TGFBR2: variants seen among roughly 807,000 people sequenced by gnomAD.
The protein encoded by TGFBR2 is transforming growth factor beta receptor 2.
A neutral mutation model predicts 49.0 loss-of-function variants in TGFBR2; 18 were observed. The observed-to-expected ratio is 0.37, with a 90% confidence interval of 0.25 to 0.54. TGFBR2 has a LOEUF of 0.54. TGFBR2 is among the 20% of genes least tolerant of loss of function. TGFBR2 has a pLI of 0.85. For missense variants in TGFBR2, 525 were observed against 722.6 expected (o/e 0.73, Z 3.13); for synonymous variants, 282 against 275.9 (o/e 1.02, Z -0.22).
At chr3:30,636,961 G>C (rs1416661126) in intron 1 of TGFBR2, among the ~76,000 whole-genome samples, 1 of 151,870 alleles carries the variant, frequency 6.6e-6, no homozygotes, top group Non-Finnish European at 1.5e-5. Context: ...CTGCTCGGGA[G>C]GCTGAGGCAG....
chr3:30,646,440 G>T (rs761929893), intron 2 of TGFBR2, among the ~76,000 whole-genome samples: 3 of 152,160 alleles, frequency 2.0e-5, no homozygotes, highest in Admixed American at 1.3e-4. Flanking sequence ...AATTAGACAT[G>T]GTTAGTACAG....
chr3:30,636,163 G>A (rs1575139876), intron 1 of TGFBR2, among the ~76,000 whole-genome samples: 1 of 131,682 alleles, frequency 7.6e-6, no homozygotes, highest in Non-Finnish European at 1.6e-5. Context: ...GTATGTGTGT[G>A]TGTGTGTGTG....
intron 3 of TGFBR2, among the ~76,000 whole-genome samples, chr3:30,652,199 A>AATGGTCC (rs1698903239): frequency 6.7e-6 from 1 of 149,078 alleles, no homozygotes; most frequent in Non-Finnish European, 1.5e-5. Flanking sequence ...TCATCCTGTA[A>AATGGTCC]ATGGTCCATT....
At position 30,655,757 on chromosome 3, in the gene TGFBR2, G is replaced by A. The variant is rs1210497933; in HGVS notation, c.454+5297G>A. ...CCTGTGGGTTGTTGTGGGATTTAAG[G>A]AGATGATGCTTGGGAGCGCCCAGCA... is the stretch of plus-strand genomic sequence containing the variant. On this transcript the variant is annotated intron_variant, in intron 3 of 6. Coordinates refer to ENST00000295754, the MANE Select transcript of TGFBR2 (RefSeq NM_003242.6). Among the ~76,000 whole-genome samples the A allele has an allele frequency of 3.3e-5, 5 of 152,204 alleles. No homozygotes were observed. In the East Asian group the frequency reaches 9.6e-4, roughly 29 times the overall value.
chr3:30,608,791 T>C (rs1249131409), intron 1 of TGFBR2, among the ~76,000 whole-genome samples: 4 of 152,228 alleles, frequency 2.6e-5, no homozygotes, highest in Non-Finnish European at 5.9e-5. Context: ...TTTCCTGCAT[T>C]GCAGTACCAG....
chr3:30,631,721 A>G (rs1308798331), intron 1 of TGFBR2, among the ~76,000 whole-genome samples: 3 of 149,768 alleles, frequency 2.0e-5, no homozygotes, highest in Non-Finnish European at 4.4e-5. Flanking sequence ...GTGAATCTGA[A>G]TGTGTCTTTC....
intron 1 of TGFBR2, among the ~76,000 whole-genome samples, chr3:30,624,507 T>A (rs954881877): frequency 6.6e-6 from 1 of 151,856 alleles, no homozygotes; most frequent in Non-Finnish European, 1.5e-5. Context: ...TCCCAGCTAT[T>A]CGGGAGGCTG....
chr3:30,618,624 G>C (rs1407342901), intron 1 of TGFBR2, among the ~76,000 whole-genome samples: 1 of 152,094 alleles, frequency 6.6e-6, no homozygotes, highest in Non-Finnish European at 1.5e-5. Flanking sequence ...ACATATGTAG[G>C]CCCTAATTCA....
intron 1 of TGFBR2, among the ~76,000 whole-genome samples, chr3:30,628,528 GTTTTTTTTT>G (rs569832149): frequency 5.0e-5 from 4 of 80,192 alleles, no homozygotes; most frequent in East Asian, 4.7e-4. Flanking sequence ...AAGCCTGTGG[GTTTTTTTTT>G]TTTTTTTTTT....
intron 2 of TGFBR2, among the ~76,000 whole-genome samples, chr3:30,648,419 TAC>T (rs35473576): frequency 0.01 from 1,207 of 115,566 alleles, 10 homozygotes; most frequent in Middle Eastern, 0.042. Flanking sequence ...AAAAACAACC[TAC>T]ACACACACAC....
intron 3 of TGFBR2, among the ~76,000 whole-genome samples, chr3:30,669,402 G>A (rs1447939314): frequency 1.3e-5 from 2 of 152,048 alleles, no homozygotes; most frequent in Non-Finnish European, 2.9e-5. Flanking sequence ...AGGTTTAATA[G>A]GCAGAAGAGA....
At chr3:30,677,162 A>G (rs1433419439) in intron 5 of TGFBR2, among the ~76,000 whole-genome samples, 1 of 152,160 alleles carries the variant, frequency 6.6e-6, no homozygotes, top group Admixed American at 6.5e-5. Context: ...CCCAGCTTTC[A>G]TTGTTATCAC....
chr3:30,673,114 G>C (rs942407585), intron 4 of TGFBR2, among the ~76,000 whole-genome samples: 1 of 152,224 alleles, frequency 6.6e-6, no homozygotes, highest in African/African-American at 2.4e-5. Flanking sequence ...TCTTTAGCCA[G>C]GTGGCAGGAC....
intron 5 of TGFBR2, among the ~76,000 whole-genome samples, chr3:30,687,098 C>A (rs73054849): frequency 0.12 from 18,677 of 152,054 alleles, 1,289 homozygotes; most frequent in East Asian, 0.32. Flanking sequence ...GGTATATGCA[C>A]GAATAGAGCC....
chr3:30,670,863 T>C (rs1319164601), intron 3 of TGFBR2, among the ~76,000 whole-genome samples: 1 of 152,334 alleles, frequency 6.6e-6, no homozygotes, highest in Non-Finnish European at 1.5e-5. Context: ...GTATGCACAC[T>C]GAAAAGAGGA....
rs566144338 is a variant in TGFBR2, at chr3:30,666,464, T to A, written c.455-5174T>A. On this transcript the variant is annotated intron_variant, in intron 3 of 6. Coordinates refer to ENST00000295754, the MANE Select transcript of TGFBR2 (RefSeq NM_003242.6). ...TGGTTCTTAGTTCAGAACAAAGGAA[T>A]ATAATCCCCATACCCAAAATATACT... 6.6e-5 allele frequency among the ~76,000 whole-genome samples: 10 copies of A among 152,270 alleles called. No homozygotes were observed. In the South Asian group the frequency reaches 2.1e-3, roughly 32 times the overall value.
chr3:30,637,431 T>G (rs954177914), intron 1 of TGFBR2, among the ~76,000 whole-genome samples: 1 of 152,192 alleles, frequency 6.6e-6, no homozygotes, highest in Non-Finnish European at 1.5e-5. Context: ...ACCTTAAATG[T>G]GCTCCTCATT....
intron 1 of TGFBR2, among the ~76,000 whole-genome samples, chr3:30,613,609 G>C (rs1404546219): frequency 6.6e-6 from 1 of 152,054 alleles, no homozygotes; most frequent in Non-Finnish European, 1.5e-5. Context: ...GGCCCCTCTT[G>C]ATGTAGGATG....
chr3:30,689,100 G>A (rs1243822287), intron 6 of TGFBR2, among the ~76,000 whole-genome samples: 1 of 152,196 alleles, frequency 6.6e-6, no homozygotes, highest in East Asian at 1.9e-4. Flanking sequence ...GCCCTGGAAG[G>A]AACGAGAAAT....
Sources: allele counts gnomAD v4.1 joint callset (sites outside exome capture counted in the v4.1 genomes callset), GRCh38; gene constraint gnomAD v4.1.1; transcripts MANE v1.5; gene names NCBI Gene and HGNC (gene_info 2026-07-23, HGNC 2026-07-21).